The following RPS6KA2 variants were observed in gnomAD, a reference collection of about 807,000 sequenced individuals.
RPS6KA2 encodes the protein ribosomal protein S6 kinase alpha-2.
In RPS6KA2, 42 loss-of-function variants were observed where a neutral mutation model predicts 91.8. That is an observed-to-expected ratio of 0.46 (90% CI 0.36 to 0.59). The LOEUF is 0.59. RPS6KA2 is among the 20% of genes least tolerant of loss of function. The probability of loss-of-function intolerance (pLI) is 0.00; values close to 1 mark genes in which losing one functional copy is unlikely to be tolerated. For missense variants in RPS6KA2, 798 were observed against 978.5 expected (o/e 0.82, Z 2.46); for synonymous variants, 414 against 393.6 (o/e 1.05, Z -0.61).
At chr6:166,488,228 G>C (rs1781475446) in intron 10 of RPS6KA2, among the ~76,000 whole-genome samples, 1 of 150,722 alleles carries the variant, frequency 6.6e-6, no homozygotes, top group Non-Finnish European at 1.5e-5. Context: ...TCTTGCTGCT[G>C]TCTGAACCGA....
At chr6:166,601,096 C>T (rs748755673) in intron 1 of RPS6KA2, among the ~76,000 whole-genome samples, 4 of 152,182 alleles carry the variant, frequency 2.6e-5, no homozygotes. Context: ...TATCTTAGAA[C>T]CTGACTGATG....
At chr6:166,601,118 A>G (rs2128526331) in intron 1 of RPS6KA2, among the ~76,000 whole-genome samples, 1 of 152,370 alleles carries the variant, frequency 6.6e-6, no homozygotes, top group South Asian at 2.1e-4. Context: ...TTCCATTCAG[A>G]TAATATTTCT....
intron 10 of RPS6KA2, among the ~76,000 whole-genome samples, chr6:166,472,117 C>T (rs1178850860): frequency 1.3e-5 from 2 of 152,228 alleles, no homozygotes; most frequent in African/African-American, 4.8e-5. Context: ...AAGTGTGCCT[C>T]TCCTCTACTC....
In RPS6KA2 at chr6:166,434,080, C is replaced by T. The variant is rs572944994; in HGVS notation, c.1333-1590G>A. Among the ~76,000 whole-genome samples the T allele has an allele frequency of 3.5e-4, 54 of 152,268 alleles. No homozygotes were observed. The highest frequency in any genetic ancestry group is 1.3e-3 in the African/African-American group (52 of 41,548). On this transcript the variant is annotated intron_variant, in intron 14 of 20. Coordinates refer to ENST00000265678, the MANE Select transcript of RPS6KA2 (RefSeq NM_021135.6). This position sits in a 1 kb window ranked among gnomAD's most constrained non-coding sequence, Gnocchi z 4.4. ...TGGCTATTTCTTTACTTTAGAGAAC[C>T]AAACGCTTGGGTAGCATTTGACTCA...
chr6:166,664,389 C>T (rs1194250287), intron 2 of RPS6KA2, among the ~76,000 whole-genome samples: 1 of 152,236 alleles, frequency 6.6e-6, no homozygotes, highest in Non-Finnish European at 1.5e-5. Context: ...TGTCAGCACA[C>T]TCATTTAAGA....
intron 1 of RPS6KA2, chr6:166,542,245 CAA>C (rs1315498951): frequency 6.6e-6 from 1 of 152,228 alleles, no homozygotes; most frequent in African/African-American, 2.4e-5. Context: ...CCCTTCATGA[CAA>C]CCACCCTAAG....
chr6:166,584,849 C>T (rs569615774), intron 1 of RPS6KA2, among the ~76,000 whole-genome samples: 1 of 152,264 alleles, frequency 6.6e-6, no homozygotes, highest in Non-Finnish European at 1.5e-5. Flanking sequence ...CAATATTGGT[C>T]CAGAAACTCA....
At chr6:166,696,118 G>A (rs573041793) in intron 2 of RPS6KA2, among the ~76,000 whole-genome samples, 31 of 152,314 alleles carry the variant, frequency 2.0e-4, no homozygotes, top group African/African-American at 7.2e-4. Flanking sequence ...GGGGACGGCC[G>A]TTTTAGGCTG....
chr6:166,487,524 T>C (rs992382895), intron 10 of RPS6KA2, among the ~76,000 whole-genome samples: 8 of 151,086 alleles, frequency 5.3e-5, no homozygotes, highest in South Asian at 2.1e-4. Flanking sequence ...GAGAGGTCTG[T>C]AGAGTGGAAT....
intron 11 of RPS6KA2, among the ~76,000 whole-genome samples, chr6:166,468,064 C>T (rs1780609621): frequency 6.6e-6 from 1 of 152,258 alleles, no homozygotes; most frequent in Admixed American, 6.5e-5. Context: ...CACCCAGGTC[C>T]ATTCTTCATG....
intron 1 of RPS6KA2, among the ~76,000 whole-genome samples, chr6:166,616,022 G>A (rs969147778): frequency 2.0e-5 from 3 of 152,072 alleles, no homozygotes; most frequent in African/African-American, 4.8e-5. Flanking sequence ...CAGTCCCTGC[G>A]CTAGGCCTCT....
chr6:166,830,729 C>A (rs1780163991), intron 2 of RPS6KA2, among the ~76,000 whole-genome samples: 1 of 152,164 alleles, frequency 6.6e-6, no homozygotes, highest in Non-Finnish European at 1.5e-5. Flanking sequence ...AAGCGTCAGT[C>A]CTCTCAGACC....
intron 10 of RPS6KA2, among the ~76,000 whole-genome samples, chr6:166,485,654 G>C (rs1479139178): frequency 6.6e-6 from 1 of 152,288 alleles, no homozygotes; most frequent in African/African-American, 2.4e-5. Context: ...ACTTGCATCT[G>C]TCTCCAAACA....
Position 166,563,574 on chromosome 6 carries a change from C to T in RPS6KA2, c.100-24790G>A, listed in dbSNP as rs57001200. On this transcript the variant is annotated intron_variant, in intron 1 of 20. Transcript: ENST00000265678. The surrounding 1 kb of genome is among the most constrained non-coding windows in gnomAD (Gnocchi z 4.1). ...ACCAGTCACCAGACTCACCCCCACC[C>T]GCCCTCTCCCCTCCACACAGGGTAG... is the stretch of plus-strand genomic sequence containing the variant. 0.051 allele frequency among the ~76,000 whole-genome samples: 7,767 copies of T among 152,004 alleles called. 683 individuals are homozygous for T. Among genetic ancestry groups the T allele is most frequent in the African/African-American group, 0.18 (7,366 of 41,334 alleles).
intron 6 of RPS6KA2, among the ~76,000 whole-genome samples, chr6:166,503,810 G>A (rs970810421): frequency 6.6e-6 from 1 of 152,206 alleles, no homozygotes; most frequent in South Asian, 2.1e-4. Context: ...ATTTTGGAGG[G>A]ACTTTACTGT....
At chr6:166,540,445 A>G (rs376899398) in intron 1 of RPS6KA2, among the ~76,000 whole-genome samples, 1 of 60,686 alleles carries the variant, frequency 1.6e-5, no homozygotes, top group African/African-American at 7.9e-5. Context: ...TTGTAAAAAC[A>G]GTGGTTTTTT....
At chr6:166,728,803 G>A (rs1790425046) in intron 2 of RPS6KA2, among the ~76,000 whole-genome samples, 1 of 152,180 alleles carries the variant, frequency 6.6e-6, no homozygotes, top group African/African-American at 2.4e-5. Flanking sequence ...ACTGCCTGGA[G>A]GGGTCGGGCA....
intron 2 of RPS6KA2, among the ~76,000 whole-genome samples, chr6:166,772,600 T>C (rs1051524107): frequency 2.6e-5 from 4 of 152,156 alleles, no homozygotes; most frequent in Admixed American, 2.6e-4. Context: ...AAATACCTAA[T>C]AGCATGAAAA....
At chr6:166,739,956 T>C (rs548156326) in intron 2 of RPS6KA2, among the ~76,000 whole-genome samples, 82 of 152,368 alleles carry the variant, frequency 5.4e-4, no homozygotes, top group African/African-American at 1.9e-3. Context: ...CCTTCATTGT[T>C]TCCTACAGGG....
Sources: allele counts gnomAD v4.1 joint callset (sites outside exome capture counted in the v4.1 genomes callset), GRCh38; gene constraint gnomAD v4.1.1; non-coding constraint Gnocchi (gnomAD v3.1); transcripts MANE v1.5; gene names NCBI Gene and HGNC (gene_info 2026-07-23, HGNC 2026-07-21).